The following M1AP variants were observed in gnomAD, a reference collection of about 807,000 sequenced individuals.
The protein encoded by M1AP is meiosis 1 associated protein, also known as meiosis 1 arrest protein.
In M1AP, 39 loss-of-function variants were observed where a neutral mutation model predicts 51.2. The ratio of observed to expected loss-of-function variants is 0.76; its 90% CI spans 0.59 to 1.00. The LOEUF (loss-of-function observed/expected upper bound fraction) is 1.00. Ranked by LOEUF, M1AP falls within the 50% of genes least tolerant of loss-of-function variation. The pLI, the probability that M1AP is intolerant of heterozygous loss-of-function variation, is 0.00. For synonymous variants in M1AP, 251 were observed against 249.2 expected (o/e 1.01, Z -0.07); for missense variants, 545 against 641.2 (o/e 0.85, Z 1.62).
intron 3 of M1AP, among the ~76,000 whole-genome samples, chr2:74,614,369 C>A (rs1488940264): frequency 6.6e-6 from 1 of 152,196 alleles, no homozygotes; most frequent in Non-Finnish European, 1.5e-5. Context: ...TGGAAACCAG[C>A]AATCCCACAC....
At chr2:74,645,686 T>C (rs57326441) in intron 1 of M1AP, among the ~76,000 whole-genome samples, 27,525 of 152,132 alleles carry the variant, frequency 0.18, 3,860 homozygotes, top group East Asian at 0.82. Flanking sequence ...TAATTAAAAC[T>C]GGGTATAACT....
chr2:74,577,431 G>A (rs544582549), intron 5 of M1AP, among the ~76,000 whole-genome samples: 33 of 152,308 alleles, frequency 2.2e-4, no homozygotes, highest in African/African-American at 6.3e-4. Flanking sequence ...TCAATAAAAC[G>A]TATACCTGGC....
At chr2:74,644,017 CAAG>C (rs1683458807) in intron 1 of M1AP, among the ~76,000 whole-genome samples, 2 of 151,792 alleles carry the variant, frequency 1.3e-5, no homozygotes, top group Non-Finnish European at 2.9e-5. Context: ...AAAAATATTT[CAAG>C]AAGAACATTA....
intron 5 of M1AP, among the ~76,000 whole-genome samples, chr2:74,579,596 T>A (rs1391669683): frequency 6.6e-6 from 1 of 152,164 alleles, no homozygotes; most frequent in Non-Finnish European, 1.5e-5. Context: ...TAATATTGTA[T>A]TTAATTGATT....
Position 74,576,617 on chromosome 2 carries a change from C to T in M1AP, c.771G>A (p.Met257Ile), listed in dbSNP as rs201780018. Reference protein sequence around the residue: ...SNISRPRDNPMCLKCDLQERL... With the variant: ...SNISRPRDNPICLKCDLQERL... ...GCTCTTGGAGATCACATTTCAGACACACTACAATAAAAGGAGATTACATTT... is the reference window on the plus strand; with the variant it reads ...GCTCTTGGAGATCACATTTCAGACATACTACAATAAAAGGAGATTACATTT... Residue 257 changes from methionine (M) to isoleucine (I), a missense_variant and splice_region_variant, in exon 6 of 11, where the codon ATG becomes ATA. Coordinates refer to ENST00000421985, the MANE Select transcript of M1AP (RefSeq NM_001321739.2). The T allele has an allele frequency of 5.0e-6, 8 of 1,613,856 alleles. No individual in the cohort carries two copies. The East Asian group carries it at 6.7e-5, about 13-fold the overall frequency.
intron 4 of M1AP, among the ~76,000 whole-genome samples, chr2:74,593,532 C>G (rs1321815821): frequency 6.6e-6 from 1 of 152,106 alleles, no homozygotes; most frequent in Non-Finnish European, 1.5e-5. Flanking sequence ...AGGTGTGCAC[C>G]ACTGCATCTG....
chr2:74,641,767 C>T lies in M1AP; in HGVS notation c.-52-1440G>A, dbSNP rs533348728. The stretch of plus-strand genomic sequence containing the variant: ...CTGGGATTACAGGTGTGAGCCACCG[C>T]GCCCAGCCAAGAATTTCAATCTTAA... On this transcript the variant is annotated intron_variant, in intron 1 of 10. Coordinates refer to ENST00000421985, the MANE Select transcript of M1AP (RefSeq NM_001321739.2). Among the ~76,000 whole-genome samples, 13 of 151,348 alleles carry T rather than the reference C, an allele frequency of 8.6e-5. No individual in the cohort carries two copies. In the South Asian group the frequency reaches 1.5e-3, roughly 17 times the overall value.
intron 4 of M1AP, among the ~76,000 whole-genome samples, chr2:74,585,892 T>C (rs573620883): frequency 6.6e-6 from 1 of 152,242 alleles, no homozygotes; most frequent in Non-Finnish European, 1.5e-5. Context: ...TACTTATTAT[T>C]ACTACTACCA....
In M1AP at chr2:74,575,681, C is replaced by T. The variant is rs1227469288; in HGVS notation, c.933-102G>A. 9.1e-6 allele frequency: 8 copies of T among 877,874 alleles called. No individual in the cohort carries two copies. The Admixed American group carries it at 1.8e-4, about 20-fold the overall frequency. The allele number at this position is 877,874 out of a possible 1,614,324, so 54.4% of individuals were successfully genotyped here. ...TAACTCTAAGACAGTACTGTGAAAGCTTTTAAATTAGTGTCTGTGAACTAT... is the reference window on the plus strand; with the variant it reads ...TAACTCTAAGACAGTACTGTGAAAGTTTTTAAATTAGTGTCTGTGAACTAT... On this transcript the variant is annotated intron_variant, in intron 6 of 10. Coordinates refer to ENST00000421985, the MANE Select transcript of M1AP (RefSeq NM_001321739.2).
At chr2:74,586,311 A>G (rs1295965269) in intron 4 of M1AP, among the ~76,000 whole-genome samples, 2 of 152,192 alleles carry the variant, frequency 1.3e-5, no homozygotes, top group Non-Finnish European at 2.9e-5. Context: ...TATCCTCCCT[A>G]TCAGGGCCTT....
chr2:74,573,942 T>A (rs1376112119), intron 7 of M1AP, among the ~76,000 whole-genome samples: 2 of 152,188 alleles, frequency 1.3e-5, no homozygotes, highest in Non-Finnish European at 2.9e-5. Context: ...CATCTCAGAT[T>A]CTGAGGAACT....
intron 7 of M1AP, among the ~76,000 whole-genome samples, chr2:74,562,882 C>G (rs1057191089): frequency 6.6e-6 from 1 of 152,120 alleles, no homozygotes; most frequent in Non-Finnish European, 1.5e-5. Context: ...TACCACTGCA[C>G]TCCAGCCTGG....
At chr2:74,571,973 G>A (rs558200105) in intron 7 of M1AP, among the ~76,000 whole-genome samples, 15 of 151,356 alleles carry the variant, frequency 9.9e-5, no homozygotes, top group Admixed American at 2.0e-4. Flanking sequence ...TCCAGGCCTG[G>A]GCAACAAGAG....
chr2:74,640,047 G>A lies in M1AP; in HGVS notation c.229C>T (p.Leu77Phe). Reference protein sequence around the residue: ...YMVQDQHECILPFVQVKGNFA... With the variant: ...YMVQDQHECIFPFVQVKGNFA... ...ATAGATATACTTACCACAAAAGGGAGGATGCACTCATGCTGATCTTGTACC... is the reference window on the plus strand; with the variant it reads ...ATAGATATACTTACCACAAAAGGGAAGATGCACTCATGCTGATCTTGTACC... Residue 77 changes from leucine (L) to phenylalanine (F), a missense_variant, in exon 2 of 11, where the codon CTC becomes TTC. Physicochemically the swap from Leu to Phe is conservative, Grantham distance 22. Coordinates refer to ENST00000421985, the MANE Select transcript of M1AP (RefSeq NM_001321739.2). 6.2e-7 allele frequency: 1 copy of A among 1,613,994 alleles called. No homozygotes were observed. The highest frequency in any genetic ancestry group is 1.7e-5 in the Admixed American group (1 of 60,028).
chr2:74,588,283 C>A (rs1488597726), intron 4 of M1AP, among the ~76,000 whole-genome samples: 1 of 152,150 alleles, frequency 6.6e-6, no homozygotes. Flanking sequence ...AGGGGGAAAG[C>A]CCCTAGCTTT....
At chr2:74,576,757 G>A in intron 5 of M1AP, 139 bp from the exon 6 acceptor site, 1 of 1,221,532 alleles carries the variant, frequency 8.2e-7, no homozygotes, top group Non-Finnish European at 1.1e-6. Flanking sequence ...AGGGATAGGA[G>A]GAGGCAGGAG....
intron 4 of M1AP, among the ~76,000 whole-genome samples, chr2:74,589,182 G>C (rs1287722747): frequency 6.6e-6 from 1 of 152,264 alleles, no homozygotes; most frequent in East Asian, 1.9e-4. Context: ...AAAAACATTT[G>C]TGCGAAGATT....
intron 2 of M1AP, among the ~76,000 whole-genome samples, chr2:74,626,661 T>C (rs1435546327): frequency 2.0e-5 from 3 of 151,556 alleles, no homozygotes; most frequent in Admixed American, 1.3e-4. Flanking sequence ...ACTTGTATAG[T>C]TTATTTTTAT....
chr2:74,626,262 T>G (rs562192985), intron 2 of M1AP, among the ~76,000 whole-genome samples: 3 of 150,286 alleles, frequency 2.0e-5, no homozygotes, highest in South Asian at 4.2e-4. Flanking sequence ...TTTCAGTTTT[T>G]TTTTTTTTTT....
Sources: gnomAD v4.1 joint callset for allele counts (sites outside exome capture counted in the v4.1 genomes callset) on GRCh38, gnomAD v4.1.1 for gene constraint, MANE v1.5 for transcripts, NCBI Gene and HGNC (gene_info 2026-07-23, HGNC 2026-07-21) for gene names.